The following ATP10B variants were observed in gnomAD, a reference collection of about 807,000 sequenced individuals.
ATP10B encodes phospholipid-transporting ATPase VB.
Under a neutral mutation model 141.2 loss-of-function variants are expected in ATP10B, and 122 were observed. The observed-to-expected ratio is 0.86, with a 90% confidence interval of 0.75 to 1.00. The LOEUF (loss-of-function observed/expected upper bound fraction) is 1.00, where lower values mean the gene tolerates loss of function less well. Among genes scored for constraint, ATP10B ranks in the 50% least tolerant of loss-of-function variants. ATP10B has a pLI of 0.00. For synonymous variants in ATP10B, 685 were observed against 692.0 expected (o/e 0.99, Z 0.16); for missense variants, 1,876 against 1,825.3 (o/e 1.03, Z -0.51).
chr5:160,756,735 A>G (rs755446017), intron 2 of ATP10B, among the ~76,000 whole-genome samples: 1 of 152,040 alleles, frequency 6.6e-6, no homozygotes, highest in Non-Finnish European at 1.5e-5. Context: ...ATATATATTT[A>G]TGGGGTATCT....
chr5:160,640,375 G>A (rs1759747116), intron 10 of ATP10B, 86 bp downstream of exon 10: 1 of 1,480,082 alleles, frequency 6.8e-7, no homozygotes, highest in African/African-American at 1.4e-5. Context: ...CATTTTATTA[G>A]CCCTACTTTA....
At chr5:160,680,344 T>G (rs186970949) in intron 6 of ATP10B, among the ~76,000 whole-genome samples, 2 of 152,316 alleles carry the variant, frequency 1.3e-5, no homozygotes, top group Admixed American at 1.3e-4. Flanking sequence ...TTTCCTGACA[T>G]CTGTCATGTG....
the ATP10B span, among the ~76,000 whole-genome samples, chr5:160,875,385 C>T: frequency 2.3e-3 from 239 of 105,242 alleles, 11 homozygotes; most frequent in African/African-American, 4.9e-3. Context: ...CTGAAGGAAG[C>T]GCTAAACATG....
At chr5:160,898,612 A>C in the ATP10B span, among the ~76,000 whole-genome samples, 1 of 152,238 alleles carries the variant, frequency 6.6e-6, no homozygotes, top group Non-Finnish European at 1.5e-5. Context: ...CTAGAACCAG[A>C]AATACCATTT....
intron 7 of ATP10B, among the ~76,000 whole-genome samples, chr5:160,653,648 T>TAC (rs1491151295): frequency 1.3e-5 from 1 of 79,364 alleles, no homozygotes; most frequent in Non-Finnish European, 2.2e-5. Context: ...ACATATATAT[T>TAC]ATATATACAT....
At chr5:160,920,653 A>T in the ATP10B span, among the ~76,000 whole-genome samples, 1 of 152,208 alleles carries the variant, frequency 6.6e-6, no homozygotes, top group Admixed American at 6.5e-5. Flanking sequence ...TCACCTGGTG[A>T]GCTTTCATAA....
At chr5:160,576,564 ATAAGAG>A (rs1299752345) in intron 24 of ATP10B, among the ~76,000 whole-genome samples, 1 of 152,206 alleles carries the variant, frequency 6.6e-6, no homozygotes, top group Non-Finnish European at 1.5e-5. Context: ...TAAGTGTTTA[ATAAGAG>A]AAATCACAAG....
chr5:160,564,729 G>A lies in ATP10B; in HGVS notation c.*724C>T, dbSNP rs1480525281. ...GATTCCCCAGCTGGTGGGACATATG[G>A]TCTGTCAGCCAAAACAGGGGTCTCT... On this transcript the variant is annotated 3_prime_UTR_variant, in exon 26 of 26. Transcript: ENST00000327245. 6.6e-6 allele frequency: 1 copy of A among 152,152 alleles called. No homozygotes were observed. Among genetic ancestry groups the A allele is most frequent in the Non-Finnish European group, 1.5e-5 (1 of 68,028 alleles). The allele number at this position is 152,152 out of a possible 1,614,324, so 9.4% of individuals were successfully genotyped here.
chr5:160,719,152 G>C (rs1765838068), intron 2 of ATP10B, among the ~76,000 whole-genome samples: 1 of 152,188 alleles, frequency 6.6e-6, no homozygotes, highest in Non-Finnish European at 1.5e-5. Flanking sequence ...TGTAATCCCA[G>C]CACTTTGTGA....
At chr5:160,674,938 C>A (rs1053544012) in intron 6 of ATP10B, among the ~76,000 whole-genome samples, 6 of 152,142 alleles carry the variant, frequency 3.9e-5, no homozygotes, top group Non-Finnish European at 8.8e-5. Context: ...TTGCCCTGGG[C>A]CACTTTATGC....
the ATP10B span, among the ~76,000 whole-genome samples, chr5:160,862,577 A>C: frequency 6.6e-6 from 1 of 152,096 alleles, no homozygotes; most frequent in East Asian, 1.9e-4. Flanking sequence ...ATTCTTTATA[A>C]AGCCTTTCAT....
chr5:160,693,446 A>ACACACACACACACACC (rs1252282398), intron 3 of ATP10B, among the ~76,000 whole-genome samples: 1 of 147,364 alleles, frequency 6.8e-6, no homozygotes, highest in African/African-American at 2.5e-5. Context: ...ACACACACAC[A>ACACACACACACACACC]CACACACACA....
chr5:160,627,294 T>C (rs1191602096), intron 13 of ATP10B, among the ~76,000 whole-genome samples: 3 of 152,200 alleles, frequency 2.0e-5, no homozygotes, highest in Admixed American at 6.5e-5. Context: ...GAGAGCATTG[T>C]CCCATAGTCA....
Position 160,666,627 on chromosome 5 carries a change from T to G in ATP10B, c.675+3836A>C, listed in dbSNP as rs952978458. Among the ~76,000 whole-genome samples, 6 of 152,300 alleles carry G rather than the reference T, an allele frequency of 3.9e-5. No homozygotes were observed. The South Asian group carries it at 1.0e-3, about 26-fold the overall frequency. ...ATTTTTCTTGCAACTCTCATCAACATGTTTGTTCAATACGTTAGGGAAATC... is the reference window on the plus strand; with the variant it reads ...ATTTTTCTTGCAACTCTCATCAACAGGTTTGTTCAATACGTTAGGGAAATC... On this transcript the variant is annotated intron_variant, in intron 7 of 25. Transcript: ENST00000327245.
chr5:160,619,663 T>A (rs1359901203), intron 15 of ATP10B, among the ~76,000 whole-genome samples: 3 of 152,154 alleles, frequency 2.0e-5, no homozygotes, highest in African/African-American at 4.8e-5. Context: ...AACTGTCTTC[T>A]CCTTGTTAGC....
intron 1 of ATP10B, among the ~76,000 whole-genome samples, chr5:160,818,881 C>G (rs546776608): frequency 2.0e-5 from 3 of 152,128 alleles, no homozygotes; most frequent in Non-Finnish European, 2.9e-5. Flanking sequence ...CCATCATTCT[C>G]AGCAAACTAT....
At chr5:160,611,715 C>A (rs1757729256) in intron 18 of ATP10B, 1 of 152,240 alleles carries the variant, frequency 6.6e-6, no homozygotes, top group Non-Finnish European at 1.5e-5. Context: ...CTACATCAGC[C>A]TCAGACAAAA....
chr5:160,771,550 ACT>A (rs796920675), intron 2 of ATP10B, among the ~76,000 whole-genome samples: 18 of 152,244 alleles, frequency 1.2e-4, no homozygotes, highest in African/African-American at 4.1e-4. Flanking sequence ...TATTTAAGAA[ACT>A]CAACGTGATA....
At chr5:160,656,393 G>A (rs1265558132) in intron 7 of ATP10B, among the ~76,000 whole-genome samples, 2 of 152,196 alleles carry the variant, frequency 1.3e-5, no homozygotes, top group Non-Finnish European at 2.9e-5. Flanking sequence ...GAAAGAAGGA[G>A]ACTGTTAAGT....
Sources: gnomAD v4.1 joint callset for allele counts (sites outside exome capture counted in the v4.1 genomes callset) on GRCh38, gnomAD v4.1.1 for gene constraint, MANE v1.5 for transcripts, NCBI Gene and HGNC (gene_info 2026-07-23, HGNC 2026-07-21) for gene names.